ADAMTS4: variants seen among roughly 807,000 people sequenced by gnomAD.
ADAMTS4 encodes ADAM metallopeptidase with thrombospondin type 1 motif 4, also known as A disintegrin and metalloproteinase with thrombospondin motifs 4.
Under a neutral mutation model 66.7 loss-of-function variants are expected in ADAMTS4, and 38 were observed. The observed-to-expected ratio is 0.57, with a 90% confidence interval of 0.44 to 0.75. The LOEUF is 0.75. Ranked by LOEUF, ADAMTS4 falls within the 30% of genes least tolerant of loss-of-function variation. The pLI is 0.00. For missense variants in ADAMTS4, 1,014 were observed against 1,116.7 expected (o/e 0.91, Z 1.31); for synonymous variants, 418 against 461.5 (o/e 0.91, Z 1.21).
Position 161,198,083 on chromosome 1 carries a change from C to T in ADAMTS4, c.545G>A (p.Arg182His), listed in dbSNP as rs147572611. 17 of 1,612,880 alleles carry T rather than the reference C, an allele frequency of 1.1e-5. No homozygotes were observed. The highest frequency in any genetic ancestry group is 8.8e-5 in the South Asian group (8 of 90,980). The change falls in exon 1 of 9, where the codon CGC (arginine) becomes CAC (histidine). Residue 182 changes from arginine (R) to histidine (H), a missense_variant. By Grantham distance (29) the Arg-to-His change is conservative. Transcript: ENST00000367996. The surrounding 1 kb of genome is among the most constrained non-coding windows in gnomAD (Gnocchi z 4.7). The part of the protein sequence containing the change: ...SAGGPGAHIL[R>H]RKSPASGQGP... ...TTGACCGCTGGCAGGACTCTTCCGG[C>T]GTAGGATGTGAGCCCCAGGTCCCCC...
At chr1:161,192,416 AATT>A (rs1664706076) in intron 7 of ADAMTS4, among the ~76,000 whole-genome samples, 176 bp from the exon 8 acceptor site, 1 of 152,102 alleles carries the variant, frequency 6.6e-6, no homozygotes, top group Non-Finnish European at 1.5e-5. Flanking sequence ...TAACAATAAT[AATT>A]ATTATCACAT....
At position 161,195,539 on chromosome 1, in the gene ADAMTS4, G is replaced by A. The variant is rs761790218; in HGVS notation, c.1187C>T (p.Ala396Val). The change falls in exon 4 of 9, where the codon GCT becomes GTT. Residue 396 changes from alanine to valine, a missense_variant. Ala to Val is a moderately conservative substitution (Grantham distance 64). Coordinates refer to ENST00000367996, the MANE Select transcript of ADAMTS4 (RefSeq NM_005099.6). ...TSRHVMAPVM[A>V]HVDPEEPWSP... ...CCAGGGCTCCTCAGGATCCACATGA[G>A]CCATCACAGGGGCCATGACATGGCG... 1.2e-5 allele frequency: 19 copies of A among 1,614,008 alleles called. No homozygotes were observed. Among genetic ancestry groups the A allele is most frequent in the Non-Finnish European group, 1.4e-5 (17 of 1,179,952 alleles).
rs1319085298 is a variant in ADAMTS4 at position 161,188,673 on chromosome 1, T to G, written c.*2465A>C. On this transcript the variant is annotated 3_prime_UTR_variant, in exon 9 of 9. Transcript: ENST00000367996. ...TACCTCAGATCCTTTTCCAGGTTAT[T>G]CTTTTTGCCTTCTTGCCTATTTCCT... 6.6e-6 allele frequency: 1 copy of G among 151,562 alleles called. No homozygotes were observed. The highest frequency in any genetic ancestry group is 1.5e-5 in the Non-Finnish European group (1 of 67,908). The allele number at this position is 151,562 out of a possible 1,614,324, so 9.4% of individuals were successfully genotyped here.
intron 1 of ADAMTS4, 43 bp from the exon 2 acceptor site, chr1:161,196,923 A>G (rs1664864962): frequency 1.3e-6 from 2 of 1,524,154 alleles, no homozygotes; most frequent in African/African-American, 2.7e-5. Context: ...ATAGCCTCTC[A>G]GACCCATGGG....
In ADAMTS4 at chr1:161,198,845, C is replaced by T. The variant is rs1242515647; in HGVS notation, c.-218G>A. On this transcript the variant is annotated 5_prime_UTR_variant, in exon 1 of 9. Coordinates refer to ENST00000367996, the MANE Select transcript of ADAMTS4 (RefSeq NM_005099.6). This position sits in a 1 kb window ranked among gnomAD's most constrained non-coding sequence, Gnocchi z 4.7. Reference sequence around the variant, plus strand: ...CCCAGGGGTCTGGCTTCTCCAAACTCTCCTCCTGAGCCCTCCTTTCCTGGA... The same window carrying T: ...CCCAGGGGTCTGGCTTCTCCAAACTTTCCTCCTGAGCCCTCCTTTCCTGGA... 2 of 486,516 alleles carry T rather than the reference C, an allele frequency of 4.1e-6. No homozygotes were observed. The highest frequency in any genetic ancestry group is 4.4e-5 in the South Asian group (1 of 22,826). 30.1% of individuals were successfully genotyped at this position (486,516 alleles called of 1,614,324 possible).
At chr1:161,192,500 A>G (rs1408281710) in intron 7 of ADAMTS4, among the ~76,000 whole-genome samples, 1 of 152,104 alleles carries the variant, frequency 6.6e-6, no homozygotes, top group Non-Finnish European at 1.5e-5. Context: ...TTATAAACAC[A>G]AATGTAAATC....
chr1:161,195,794 T>G, intron 3 of ADAMTS4, 159 bp from the exon 4 acceptor site: 1 of 660,726 alleles, frequency 1.5e-6, no homozygotes. Flanking sequence ...GCTCCCAGTA[T>G]GTAGCCCCGT....
chr1:161,198,386 A>G lies in ADAMTS4; in HGVS notation c.242T>C (p.Leu81Pro). ...CCCAAAGGCCTGCAAGCGGCACAAC[A>G]GCCTGGCAGGGGCGCCCGAGCCAGG... ...VLPGSGAPAR[L>P]LCRLQAFGET... Residue 81 changes from leucine (L) to proline (P), a missense_variant, in exon 1 of 9, where the codon CTG becomes CCG. Leu to Pro is a moderately conservative substitution (Grantham distance 98). Coordinates refer to ENST00000367996, the MANE Select transcript of ADAMTS4 (RefSeq NM_005099.6). This position sits in a 1 kb window ranked among gnomAD's most constrained non-coding sequence, Gnocchi z 4.7. 6.2e-7 allele frequency: 1 copy of G among 1,611,932 alleles called. No homozygotes were observed.
Position 161,198,403 on chromosome 1 carries a change from C to G in ADAMTS4, c.225G>C (p.Ser75=). 3 of 1,607,404 alleles carry G rather than the reference C, an allele frequency of 1.9e-6. No individual in the cohort carries two copies. The highest frequency in any genetic ancestry group is 2.5e-6 in the Non-Finnish European group (3 of 1,177,514). The change falls in exon 1 of 9, where the codon TCG becomes TCC. Residue 75 remains serine (S), a synonymous_variant. Transcript: ENST00000367996. This position sits in a 1 kb window ranked among gnomAD's most constrained non-coding sequence, Gnocchi z 4.7. ...GGCACAACAGCCTGGCAGGGGCGCC[C>G]GAGCCAGGCAGGACGCTGCCGTTGA... The part of the protein sequence containing the change: ...EKLNGSVLPG[S]GAPARLLCRL...
In ADAMTS4 at chr1:161,193,309, G is replaced by T; in HGVS notation, c.1815C>A (p.Asp605Glu). The T allele has an allele frequency of 6.2e-7, 1 of 1,614,082 alleles. No homozygotes were observed. The highest frequency in any genetic ancestry group is 8.5e-7 in the Non-Finnish European group (1 of 1,180,006). ...DLFKSFPGPM[D>E]WVPRYTGVAP... ...CCACGCCTGTGTAGCGAGGAACCCAGTCCATGGGCCCTGGGAAGCTCTTGA... is the reference window on the plus strand; with the variant it reads ...CCACGCCTGTGTAGCGAGGAACCCATTCCATGGGCCCTGGGAAGCTCTTGA... Residue 605 changes from aspartate (D) to glutamate (E), a missense_variant, in exon 7 of 9, where the codon GAC becomes GAA. Transcript: ENST00000367996. The surrounding 1 kb of genome is among the most constrained non-coding windows in gnomAD (Gnocchi z 4.4).
Position 161,189,240 on chromosome 1 carries a change from C to T in ADAMTS4, c.*1898G>A, listed in dbSNP as rs1363355820. The stretch of plus-strand genomic sequence containing the variant: ...CAGAACAACTCTGTGGGAGTAGATA[C>T]TGTTAGTCCCATATGAGCAATCTAA... On this transcript the variant is annotated 3_prime_UTR_variant, in exon 9 of 9. Transcript: ENST00000367996. The T allele has an allele frequency of 6.6e-6, 1 of 152,022 alleles. No individual in the cohort carries two copies. Among genetic ancestry groups the T allele is most frequent in the Non-Finnish European group, 1.5e-5 (1 of 68,018 alleles). 9.4% of individuals were successfully genotyped at this position (152,022 alleles called of 1,614,324 possible).
chr1:161,188,396 G>T lies in ADAMTS4; in HGVS notation c.*2742C>A, dbSNP rs920030330. 6.7e-6 allele frequency: 1 copy of T among 148,640 alleles called. No homozygotes were observed. Among genetic ancestry groups the T allele is most frequent in the Non-Finnish European group, 1.5e-5 (1 of 67,304 alleles). 9.2% of individuals were successfully genotyped at this position (148,640 alleles called of 1,614,324 possible). ...TGGGACTACAGGTGCCACCACGCCCGGCTAATTTTTCAATCTTTTTTTTTT... is the reference window on the plus strand; with the variant it reads ...TGGGACTACAGGTGCCACCACGCCCTGCTAATTTTTCAATCTTTTTTTTTT... On this transcript the variant is annotated 3_prime_UTR_variant, in exon 9 of 9. Coordinates refer to ENST00000367996, the MANE Select transcript of ADAMTS4 (RefSeq NM_005099.6).
rs774071976 is a variant in ADAMTS4 at position 161,198,445 on chromosome 1, G to A, written c.183C>T (p.Ile61=). The stretch of plus-strand genomic sequence containing the variant: ...TGCCGTTGAGCTTCTCTGGAAACAC[G>A]ATCTCCTCCTCCCGGGGGAGGGGGC... ...LASPLPREEE[I]VFPEKLNGSV... The change falls in exon 1 of 9, where the codon ATC becomes ATT. Residue 61 remains isoleucine (I), a synonymous_variant. Transcript: ENST00000367996. This position sits in a 1 kb window ranked among gnomAD's most constrained non-coding sequence, Gnocchi z 4.7. 1.6e-5 allele frequency: 26 copies of A among 1,582,026 alleles called. No individual in the cohort carries two copies. In the Admixed American group the frequency reaches 3.1e-4, roughly 19 times the overall value.
Position 161,196,194 on chromosome 1 carries a change from G to A in ADAMTS4, c.1067C>T (p.Ala356Val). The A allele has an allele frequency of 6.2e-7, 1 of 1,610,830 alleles. No homozygotes were observed. Among genetic ancestry groups the A allele is most frequent in the Non-Finnish European group, 8.5e-7 (1 of 1,178,408 alleles). Reference protein sequence around the residue: ...AIVEDDGLQSAFTAAHELGHV... With the variant: ...AIVEDDGLQSVFTAAHELGHV... The stretch of plus-strand genomic sequence containing the variant: ...ACCCAGTTCATGAGCAGCAGTGAAG[G>A]CTGACTGGAGCCCATCATCCTCCAC... The change falls in exon 3 of 9, where the codon GCC (alanine) becomes GTC (valine). Residue 356 changes from alanine to valine, a missense_variant. By Grantham distance (64) the Ala-to-Val change is moderately conservative (BLOSUM62 0). Transcript: ENST00000367996.
In ADAMTS4 at chr1:161,192,232, A is replaced by AT; in HGVS notation, c.1919dup (p.Asp640GlufsTer24). ...AGCTGTCCGGGGAACAGGGGGTCCC[A>AT]TCTACCACCTGAGGAAAAGAGAAAG... On this transcript the variant is annotated frameshift_variant, in exon 8 of 9. Transcript: ENST00000367996. LOFTEE classifies it high-confidence loss of function. The AT allele has an allele frequency of 6.2e-7, 1 of 1,613,324 alleles. No individual in the cohort carries two copies. Among genetic ancestry groups the AT allele is most frequent in the Non-Finnish European group, 8.5e-7 (1 of 1,179,498 alleles).
At chr1:161,196,115 T>C in intron 3 of ADAMTS4, 56 bp downstream of exon 3, 2 of 1,526,128 alleles carry the variant, frequency 1.3e-6, no homozygotes, top group South Asian at 1.3e-5. Flanking sequence ...GTGAACTTGC[T>C]ACCCCCTCCC....
Position 161,198,289 on chromosome 1 carries a change from G to T in ADAMTS4, c.339C>A (p.Gly113=). The change falls in exon 1 of 9, where the codon GGC becomes GGA. Residue 113 remains glycine (G), a synonymous_variant. Transcript: ENST00000367996. The surrounding 1 kb of genome is among the most constrained non-coding windows in gnomAD (Gnocchi z 4.7). Reference sequence around the variant, plus strand: ...CTCCACCCAGCAGCTCAGGCGCCTGGCCCAGGTACTGCACTGTCAGCCCCT... The same window carrying T: ...CTCCACCCAGCAGCTCAGGCGCCTGTCCCAGGTACTGCACTGTCAGCCCCT... ...QVEGLTVQYL[G]QAPELLGGAE... 1 of 1,613,672 alleles carries T rather than the reference G, an allele frequency of 6.2e-7. No homozygotes were observed. The highest frequency in any genetic ancestry group is 8.5e-7 in the Non-Finnish European group (1 of 1,180,016).
chr1:161,195,390 T>A (rs1664786185), intron 4 of ADAMTS4, 75 bp downstream of exon 4: 1 of 1,477,038 alleles, frequency 6.8e-7, no homozygotes, highest in South Asian at 1.3e-5. Context: ...CCATGCAGAA[T>A]GCAGCGGAAG....
At position 161,191,539 on chromosome 1, in the gene ADAMTS4, T is replaced by C. The variant is rs1162998745; in HGVS notation, c.2113A>G (p.Ile705Val). ...FRYGYNNVVT[I>V]PAGATHILVR... ...AGAATGTGGGTGGCCCCCGCGGGGATAGTGACCACATTGTTGTATCCGTAC... is the reference window on the plus strand; with the variant it reads ...AGAATGTGGGTGGCCCCCGCGGGGACAGTGACCACATTGTTGTATCCGTAC... The change falls in exon 9 of 9, where the codon ATC (isoleucine) becomes GTC (valine). Residue 705 changes from isoleucine to valine, a missense_variant. By Grantham distance (29) the Ile-to-Val change is conservative. Transcript: ENST00000367996. The C allele has an allele frequency of 1.2e-6, 2 of 1,612,952 alleles. No homozygotes were observed. The highest frequency in any genetic ancestry group is 1.7e-6 in the Non-Finnish European group (2 of 1,179,296).
Sources: gnomAD v4.1 joint callset for allele counts (sites outside exome capture counted in the v4.1 genomes callset) on GRCh38, gnomAD v4.1.1 for gene constraint, Gnocchi (gnomAD v3.1) non-coding constraint, MANE v1.5 for transcripts, NCBI Gene and HGNC (gene_info 2026-07-23, HGNC 2026-07-21) for gene names.